FHIT: variants seen among roughly 807,000 people sequenced by gnomAD.
FHIT encodes the protein fragile histidine triad diadenosine triphosphatase, also known as bis(5'-adenosyl)-triphosphatase.
FHIT carries 19 observed loss-of-function variants against 17.9 expected under a neutral mutation model. The observed-to-expected ratio is 1.06, with a 90% confidence interval of 0.74 to 1.56. FHIT has a LOEUF of 1.56. Ranked by LOEUF, FHIT falls within the 40% of genes most tolerant of loss-of-function variation. FHIT has a pLI of 0.00. For synonymous variants in FHIT, 81 were observed against 69.7 expected (o/e 1.16, Z -0.81); for missense variants, 248 against 189.2 (o/e 1.31, Z -1.82).
At chr3:60,393,134 A>G (rs1249099273) in intron 5 of FHIT, among the ~76,000 whole-genome samples, 1 of 152,062 alleles carries the variant, frequency 6.6e-6, no homozygotes, top group Admixed American at 6.6e-5. Flanking sequence ...AAAAGTCTGT[A>G]AAGGGCACTC....
intron 4 of FHIT, among the ~76,000 whole-genome samples, chr3:60,628,466 C>A (rs1203966238): frequency 6.6e-6 from 1 of 152,194 alleles, no homozygotes; most frequent in African/African-American, 2.4e-5. Flanking sequence ...GCCTCACACC[C>A]AGCTGTTATG....
chr3:60,349,852 T>A (rs1355052132), intron 5 of FHIT, among the ~76,000 whole-genome samples: 1 of 152,140 alleles, frequency 6.6e-6, no homozygotes, highest in Non-Finnish European at 1.5e-5. Flanking sequence ...ATAACTAACA[T>A]CACATAGCCC....
intron 2 of FHIT, among the ~76,000 whole-genome samples, chr3:61,086,850 A>AT (rs1479493434): frequency 3.3e-5 from 5 of 152,136 alleles, no homozygotes; most frequent in African/African-American, 1.2e-4. Context: ...TAATGTGCTG[A>AT]TAAAAACTCC....
At chr3:59,992,984 G>A (rs1439323139) in intron 7 of FHIT, among the ~76,000 whole-genome samples, 1 of 152,042 alleles carries the variant, frequency 6.6e-6, no homozygotes, top group Non-Finnish European at 1.5e-5. Flanking sequence ...AGAAGTCCAG[G>A]TCGTTAATGA....
chr3:61,019,200 A>G lies in FHIT; in HGVS notation c.-111+22847T>C, dbSNP rs1262645858. On this transcript the variant is annotated intron_variant, in intron 3 of 9. Transcript: ENST00000492590. ...GTACCCATATTTACCTCATATTTAT[A>G]TGTATGTCTTCTCTATTATAAGCAA... Among the ~76,000 whole-genome samples the G allele has an allele frequency of 2.0e-5, 3 of 152,306 alleles. No homozygotes were observed. In the East Asian group the frequency reaches 5.8e-4, roughly 29 times the overall value.
intron 7 of FHIT, among the ~76,000 whole-genome samples, chr3:59,978,387 T>G (rs212029): frequency 0.95 from 143,869 of 152,012 alleles, 68,566 homozygotes; most frequent in East Asian, 1. Context: ...AATAAACCAT[T>G]AGATATCTAC....
chr3:61,199,699 G>C (rs1462383008), intron 2 of FHIT, among the ~76,000 whole-genome samples: 1 of 151,984 alleles, frequency 6.6e-6, no homozygotes, highest in African/African-American at 2.4e-5. Context: ...AAATCAAAAT[G>C]GCTTTTCAAC....
At chr3:60,727,585 G>A (rs1183829666) in intron 4 of FHIT, among the ~76,000 whole-genome samples, 2 of 152,188 alleles carry the variant, frequency 1.3e-5, no homozygotes, top group Non-Finnish European at 2.9e-5. Context: ...CTTACTATGT[G>A]ACTCTATAAA....
At chr3:60,405,810 G>A (rs1369988714) in intron 5 of FHIT, among the ~76,000 whole-genome samples, 4 of 152,200 alleles carry the variant, frequency 2.6e-5, no homozygotes, top group African/African-American at 9.7e-5. Flanking sequence ...GTACACAGCA[G>A]CCCCCAACGA....
At chr3:60,237,317 C>T (rs1704854818) in intron 5 of FHIT, among the ~76,000 whole-genome samples, 1 of 139,358 alleles carries the variant, frequency 7.2e-6, no homozygotes, top group African/African-American at 2.8e-5. Context: ...TCCTACATGA[C>T]CTAAACCAGT....
chr3:60,569,755 A>ATATATTTTTTT, intron 4 of FHIT, among the ~76,000 whole-genome samples: 25 of 77,334 alleles, frequency 3.2e-4, no homozygotes, highest in Admixed American at 8.0e-4. Context: ...ATATATATAT[A>ATATATTTTTTT]TTTTTTTTTT....
chr3:59,979,460 T>C (rs1386791428), intron 7 of FHIT, among the ~76,000 whole-genome samples: 1 of 152,122 alleles, frequency 6.6e-6, no homozygotes, highest in Non-Finnish European at 1.5e-5. Flanking sequence ...AAAAATTACT[T>C]GACAGACTTG....
chr3:60,584,276 G>T (rs2107684349), intron 4 of FHIT, among the ~76,000 whole-genome samples: 1 of 152,166 alleles, frequency 6.6e-6, no homozygotes, highest in East Asian at 1.9e-4. Context: ...GTATTCACAA[G>T]TGTTACAAAT....
chr3:60,248,928 C>A (rs1185976694), intron 5 of FHIT, among the ~76,000 whole-genome samples: 2 of 152,140 alleles, frequency 1.3e-5, no homozygotes, highest in Non-Finnish European at 2.9e-5. Context: ...GAGAATGCTG[C>A]ACAAAGATAC....
At chr3:60,203,407 T>C (rs946080534) in intron 5 of FHIT, among the ~76,000 whole-genome samples, 3 of 152,212 alleles carry the variant, frequency 2.0e-5, no homozygotes, top group Admixed American at 6.5e-5. Flanking sequence ...AACAAAGGCA[T>C]GTAAGTCACC....
At chr3:60,295,182 T>A (rs1005882623) in intron 5 of FHIT, among the ~76,000 whole-genome samples, 1 of 152,050 alleles carries the variant, frequency 6.6e-6, no homozygotes, top group African/African-American at 2.4e-5. Context: ...CCCAGGAGTT[T>A]GAGGCTACAG....
intron 2 of FHIT, among the ~76,000 whole-genome samples, chr3:61,195,970 T>A (rs963641557): frequency 1.3e-5 from 2 of 152,110 alleles, no homozygotes; most frequent in African/African-American, 4.8e-5. Flanking sequence ...ACAAATACCA[T>A]TCGGCTTAGC....
intron 3 of FHIT, among the ~76,000 whole-genome samples, chr3:60,864,999 T>G (rs558257848): frequency 6.6e-6 from 1 of 151,668 alleles, no homozygotes; most frequent in East Asian, 1.9e-4. Context: ...CTGAATCGCC[T>G]TAGTTCACAA....
chr3:60,702,527 T>C (rs2107912881), intron 4 of FHIT, among the ~76,000 whole-genome samples: 1 of 152,158 alleles, frequency 6.6e-6, no homozygotes, highest in South Asian at 2.1e-4. Flanking sequence ...CAAAGTAATT[T>C]TTTTCTATTT....
Sources: allele counts gnomAD v4.1 joint callset (sites outside exome capture counted in the v4.1 genomes callset), GRCh38; gene constraint gnomAD v4.1.1; transcripts MANE v1.5; gene names NCBI Gene and HGNC (gene_info 2026-07-23, HGNC 2026-07-21).